MCHR2: variants seen among roughly 807,000 people sequenced by gnomAD.
MCHR2 encodes melanin concentrating hormone receptor 2, also known as melanin-concentrating hormone receptor 2.
Under a neutral mutation model 24.8 loss-of-function variants are expected in MCHR2, and 15 were observed. That is an observed-to-expected ratio of 0.60 (90% CI 0.40 to 0.93). MCHR2 has a LOEUF of 0.93. Among genes scored for constraint, MCHR2 ranks in the 40% least tolerant of loss-of-function variants. The probability of loss-of-function intolerance (pLI) is 0.00; values close to 1 mark genes in which losing one functional copy is unlikely to be tolerated. For synonymous variants in MCHR2, 151 were observed against 147.6 expected, an observed-to-expected ratio of 1.02 and a Z score of -0.17; for missense variants, 386 against 408.7, an observed-to-expected ratio of 0.94 and a Z score of 0.48.
Position 99,920,858 on chromosome 6 carries a change from A to C in MCHR2, c.*82T>G. ...AAGTACACAAGAAGAATGGGCATAA[A>C]CATATCGGTACACCTGCCCTTTCTG... On this transcript the variant is annotated 3_prime_UTR_variant, in exon 6 of 6. Transcript: ENST00000281806. 7.3e-7 allele frequency: 1 copy of C among 1,361,108 alleles called. No individual in the cohort carries two copies. The highest frequency in any genetic ancestry group is 2.3e-5 in the East Asian group (1 of 43,450). The allele number at this position is 1,361,108 out of a possible 1,614,324, so 84.3% of individuals were successfully genotyped here. A position where few individuals can be genotyped will look rare whatever the true frequency, so the allele number is the denominator to read the frequency against.
intron 1 of MCHR2, among the ~76,000 whole-genome samples, chr6:99,979,228 C>T (rs1397867079): frequency 1.3e-5 from 2 of 152,152 alleles, no homozygotes; most frequent in African/African-American, 2.4e-5. Context: ...CTCTAATTGG[C>T]AGAAAGGTCC....
intron 1 of MCHR2, among the ~76,000 whole-genome samples, chr6:99,988,202 G>A (rs940293214): frequency 6.6e-6 from 1 of 152,180 alleles, no homozygotes; most frequent in Non-Finnish European, 1.5e-5. Context: ...GACTTTCACA[G>A]GGGAAGACAG....
At chr6:99,957,834 T>C (rs1226175934) in intron 1 of MCHR2, among the ~76,000 whole-genome samples, 1 of 152,042 alleles carries the variant, frequency 6.6e-6, no homozygotes, top group South Asian at 2.1e-4. Context: ...ATTTAACTGA[T>C]GTTAAAGAAA....
At chr6:99,962,996 G>A (rs191215905) in intron 1 of MCHR2, among the ~76,000 whole-genome samples, 201 of 152,114 alleles carry the variant, frequency 1.3e-3, no homozygotes, top group African/African-American at 4.8e-3. Flanking sequence ...TATATGAAAA[G>A]ATGCTCAATG....
chr6:99,980,421 G>C (rs1025368003), intron 1 of MCHR2, among the ~76,000 whole-genome samples: 4 of 152,152 alleles, frequency 2.6e-5, no homozygotes, highest in Non-Finnish European at 1.5e-5. Flanking sequence ...TGAGAGCCTG[G>C]GGGAAGCTAT....
At chr6:99,930,649 C>T (rs1774499667) in intron 5 of MCHR2, among the ~76,000 whole-genome samples, 1 of 152,190 alleles carries the variant, frequency 6.6e-6, no homozygotes, top group African/African-American at 2.4e-5. Flanking sequence ...GAGGCTTCTG[C>T]ATTCTTCACG....
intron 3 of MCHR2, among the ~76,000 whole-genome samples, chr6:99,945,564 A>G (rs949247032): frequency 1.3e-5 from 2 of 152,194 alleles, no homozygotes; most frequent in Non-Finnish European, 2.9e-5. Context: ...GGCAATTAAA[A>G]TGATTTAAAT....
chr6:99,927,095 C>T (rs1774380811), intron 5 of MCHR2, among the ~76,000 whole-genome samples: 1 of 152,044 alleles, frequency 6.6e-6, no homozygotes. Context: ...AATAGGGAAT[C>T]CTTTCCCCAT....
Position 99,956,065 on chromosome 6 carries a change from G to C in MCHR2, c.83C>G (p.Thr28Ser). The change falls in exon 2 of 6, where the codon ACT (threonine) becomes AGT (serine). Residue 28 changes from threonine (T) to serine (S), a missense_variant. By Grantham distance (58) the Thr-to-Ser change is moderately conservative (BLOSUM62 1). Transcript: ENST00000281806. ...GATGACTGTATCTACCACACTGGCAGTTTGATAAGCAAACTCTTTATTCCA... is the reference window on the plus strand; with the variant it reads ...GATGACTGTATCTACCACACTGGCACTTTGATAAGCAAACTCTTTATTCCA... ...KSWNKEFAYQTASVVDTVILP... is the reference protein window; with the variant it reads ...KSWNKEFAYQSASVVDTVILP... 6.2e-7 allele frequency: 1 copy of C among 1,613,492 alleles called. No individual in the cohort carries two copies. Among genetic ancestry groups the C allele is most frequent in the South Asian group, 1.1e-5 (1 of 91,050 alleles).
chr6:99,969,473 C>CAAAAA (rs1214316677), intron 1 of MCHR2, among the ~76,000 whole-genome samples: 4 of 76,728 alleles, frequency 5.2e-5, no homozygotes, highest in Non-Finnish European at 7.1e-5. Context: ...GACTCCATCT[C>CAAAAA]AAAAAAAAAA....
chr6:99,921,293 A>T (rs761624946), intron 5 of MCHR2, 38 bp from the exon 6 acceptor site: 1 of 1,578,714 alleles, frequency 6.3e-7, no homozygotes, highest in South Asian at 1.1e-5. Flanking sequence ...GGTATAAACA[A>T]CCATAGAAAT....
intron 5 of MCHR2, among the ~76,000 whole-genome samples, chr6:99,924,581 A>G (rs976157620): frequency 6.6e-6 from 1 of 152,008 alleles, no homozygotes; most frequent in African/African-American, 2.4e-5. Context: ...GATGTATCCC[A>G]TAGGTTTTGG....
chr6:99,950,913 G>T (rs1774952784), intron 2 of MCHR2, among the ~76,000 whole-genome samples: 1 of 152,108 alleles, frequency 6.6e-6, no homozygotes, highest in East Asian at 1.9e-4. Flanking sequence ...TCATTCGCCA[G>T]CCTGTCCTCA....
intron 4 of MCHR2, among the ~76,000 whole-genome samples, chr6:99,939,666 A>G (rs1294567531): frequency 1.3e-5 from 2 of 150,668 alleles, no homozygotes; most frequent in Non-Finnish European, 3.0e-5. Flanking sequence ...AATTTTATCC[A>G]GGGGTTTCAT....
At chr6:99,943,680 A>G (rs775060605) in intron 3 of MCHR2, among the ~76,000 whole-genome samples, 45 of 152,180 alleles carry the variant, frequency 3.0e-4, no homozygotes, top group Non-Finnish European at 2.8e-4. Flanking sequence ...ATTTTTTAAG[A>G]TCTGCCTGGT....
At chr6:99,971,774 T>C (rs1272344172) in intron 1 of MCHR2, among the ~76,000 whole-genome samples, 1 of 152,178 alleles carries the variant, frequency 6.6e-6, no homozygotes, top group Admixed American at 6.5e-5. Context: ...GCATGAAGTG[T>C]TGTTGAATTT....
At chr6:99,928,143 G>T (rs1181533298) in intron 5 of MCHR2, among the ~76,000 whole-genome samples, 2 of 152,058 alleles carry the variant, frequency 1.3e-5, no homozygotes, top group African/African-American at 4.8e-5. Flanking sequence ...TTACCTTTAT[G>T]GATTTGCATA....
chr6:99,991,353 G>T (rs1305685415), intron 1 of MCHR2, among the ~76,000 whole-genome samples: 1 of 152,140 alleles, frequency 6.6e-6, no homozygotes, highest in African/African-American at 2.4e-5. Flanking sequence ...AAGCATACAG[G>T]CCTTCCTAGA....
intron 3 of MCHR2, among the ~76,000 whole-genome samples, chr6:99,943,739 C>A (rs182324066): frequency 3.9e-4 from 60 of 152,270 alleles, no homozygotes; most frequent in Non-Finnish European, 3.2e-4. Flanking sequence ...ATAAACCACT[C>A]ACTGAAATAG....
Sources: allele counts gnomAD v4.1 joint callset (sites outside exome capture counted in the v4.1 genomes callset), GRCh38; gene constraint gnomAD v4.1.1; transcripts MANE v1.5; gene names NCBI Gene and HGNC (gene_info 2026-07-23, HGNC 2026-07-21).